CNTN5: variants seen among roughly 807,000 people sequenced by gnomAD.
The protein encoded by CNTN5 is contactin-5.
Under a neutral mutation model 129.1 loss-of-function variants are expected in CNTN5, and 77 were observed. That is an observed-to-expected ratio of 0.60 (90% CI 0.50 to 0.72). CNTN5 has a LOEUF of 0.72. Among genes scored for constraint, CNTN5 ranks in the 30% least tolerant of loss-of-function variants. The pLI is 0.00. For missense variants in CNTN5, 1,478 were observed against 1,328.8 expected (o/e 1.11, Z -1.75); for synonymous variants, 509 against 465.6 (o/e 1.09, Z -1.20).
At chr11:99,985,642 C>G (rs1025062041) in intron 8 of CNTN5, among the ~76,000 whole-genome samples, 1 of 152,156 alleles carries the variant, frequency 6.6e-6, no homozygotes, top group African/African-American at 2.4e-5. Flanking sequence ...TGGAGTTTCA[C>G]CAGGGACCTA....
intron 1 of CNTN5, among the ~76,000 whole-genome samples, chr11:99,157,949 T>C (rs1469811259): frequency 1.3e-5 from 2 of 152,188 alleles, no homozygotes; most frequent in African/African-American, 4.8e-5. Context: ...GGTAATCAAC[T>C]ATACATGGAG....
intron 3 of CNTN5, among the ~76,000 whole-genome samples, chr11:99,691,138 T>A (rs1954023439): frequency 6.6e-6 from 1 of 151,940 alleles, no homozygotes; most frequent in Non-Finnish European, 1.5e-5. Flanking sequence ...TTTATATGAA[T>A]CTTCTCTTCT....
chr11:99,535,509 C>T (rs562651346), intron 2 of CNTN5, among the ~76,000 whole-genome samples: 16 of 152,258 alleles, frequency 1.1e-4, no homozygotes, highest in African/African-American at 3.9e-4. Context: ...ACTTGGATCC[C>T]ATTAGAATCA....
intron 6 of CNTN5, among the ~76,000 whole-genome samples, chr11:99,889,844 G>C (rs1949012020): frequency 1.3e-5 from 2 of 152,208 alleles, no homozygotes; most frequent in South Asian, 2.1e-4. Flanking sequence ...ACCATGCCTG[G>C]TCTAGACATT....
At chr11:100,158,245 T>TGGAAATGGAG (rs1947323019) in intron 13 of CNTN5, among the ~76,000 whole-genome samples, 2 of 151,850 alleles carry the variant, frequency 1.3e-5, no homozygotes, top group Non-Finnish European at 2.9e-5. Flanking sequence ...TCAGGGTTAC[T>TGGAAATGGAG]GGAAATGGAG....
intron 1 of CNTN5, among the ~76,000 whole-genome samples, chr11:99,133,511 A>G (rs1003349536): frequency 2.0e-5 from 3 of 151,806 alleles, no homozygotes; most frequent in Non-Finnish European, 4.4e-5. Context: ...TATCTATCTG[A>G]CAAGGTCTAA....
chr11:100,073,910 A>G (rs1351091872), intron 12 of CNTN5, among the ~76,000 whole-genome samples: 5 of 152,092 alleles, frequency 3.3e-5, no homozygotes, highest in African/African-American at 1.2e-4. Context: ...TCATTTTTTG[A>G]AATAGCCTTT....
intron 15 of CNTN5, among the ~76,000 whole-genome samples, chr11:100,203,557 G>A (rs959572811): frequency 6.6e-6 from 1 of 151,902 alleles, no homozygotes; most frequent in Non-Finnish European, 1.5e-5. Flanking sequence ...ATCTGGCAGT[G>A]TCTCAGATTC....
intron 1 of CNTN5, among the ~76,000 whole-genome samples, chr11:99,233,761 C>G (rs1387909163): frequency 6.6e-6 from 1 of 152,058 alleles, no homozygotes; most frequent in Non-Finnish European, 1.5e-5. Flanking sequence ...TCCTGGCTGA[C>G]CCGGTGAAAC....
intron 16 of CNTN5, among the ~76,000 whole-genome samples, chr11:100,247,135 C>T (rs751499598): frequency 1.3e-5 from 2 of 152,064 alleles, no homozygotes; most frequent in Non-Finnish European, 2.9e-5. Flanking sequence ...TCCAAGTGAA[C>T]CCTGAGCATA....
intron 3 of CNTN5, among the ~76,000 whole-genome samples, chr11:99,755,001 T>C (rs997762953): frequency 2.0e-5 from 3 of 152,218 alleles, no homozygotes; most frequent in African/African-American, 7.2e-5. Flanking sequence ...TGTATTATAG[T>C]TGGAATCATA....
chr11:100,140,923 A>G (rs1255440006), intron 13 of CNTN5, among the ~76,000 whole-genome samples: 1 of 152,190 alleles, frequency 6.6e-6, no homozygotes, highest in Non-Finnish European at 1.5e-5. Flanking sequence ...GGCAGTGAGA[A>G]GCAAGAAAGT....
At chr11:99,789,510 G>A (rs559178500) in intron 3 of CNTN5, among the ~76,000 whole-genome samples, 18 of 151,894 alleles carry the variant, frequency 1.2e-4, no homozygotes, top group Non-Finnish European at 2.5e-4. Flanking sequence ...ACAAAATATT[G>A]CATACCTTAC....
chr11:100,266,630 C>CTTTT (rs5794047), intron 17 of CNTN5, among the ~76,000 whole-genome samples: 2,340 of 140,774 alleles, frequency 0.017, 90 homozygotes, highest in African/African-American at 0.059. Flanking sequence ...ATTTCCAAAT[C>CTTTT]TTTTTTTTTT....
intron 7 of CNTN5, among the ~76,000 whole-genome samples, chr11:99,947,173 C>T (rs1950571036): frequency 6.6e-6 from 1 of 151,516 alleles, no homozygotes; most frequent in Non-Finnish European, 1.5e-5. Flanking sequence ...AGTTTTTGTA[C>T]TATTTATATT....
intron 1 of CNTN5, among the ~76,000 whole-genome samples, chr11:99,258,710 T>G (rs1862492114): frequency 6.6e-6 from 1 of 151,926 alleles, no homozygotes; most frequent in Admixed American, 6.6e-5. Context: ...TCTAGGTTTT[T>G]TCTTATTTAT....
chr11:99,346,398 C>T (rs553982907), intron 2 of CNTN5, among the ~76,000 whole-genome samples: 1 of 152,352 alleles, frequency 6.6e-6, no homozygotes, highest in Non-Finnish European at 1.5e-5. Flanking sequence ...AATACTCAGC[C>T]TGTTTTGTGT....
At chr11:100,008,016 G>C (rs559688382) in intron 9 of CNTN5, among the ~76,000 whole-genome samples, 2 of 152,146 alleles carry the variant, frequency 1.3e-5, no homozygotes, top group Non-Finnish European at 2.9e-5. Context: ...TGAAGAGAGG[G>C]AGAGAGATGA....
chr11:99,805,377 CT>C (rs1480466404), intron 3 of CNTN5, among the ~76,000 whole-genome samples: 1 of 152,096 alleles, frequency 6.6e-6, no homozygotes, highest in East Asian at 1.9e-4. Flanking sequence ...GAGGAGAGAT[CT>C]GAGCTATTTT....
Sources: allele counts gnomAD v4.1 joint callset (sites outside exome capture counted in the v4.1 genomes callset), GRCh38; gene constraint gnomAD v4.1.1; transcripts MANE v1.5; gene names NCBI Gene and HGNC (gene_info 2026-07-23, HGNC 2026-07-21).